Variants in MGAT5 observed in about 807,000 individuals in gnomAD.
The protein encoded by MGAT5 is alpha-1,6-mannosylglycoprotein 6-beta-N-acetylglucosaminyltransferase A.
MGAT5 carries 30 observed loss-of-function variants against 94.3 expected under a neutral mutation model. The ratio of observed to expected loss-of-function variants is 0.32; its 90% CI spans 0.24 to 0.43. The LOEUF is 0.43. Ranked by LOEUF, MGAT5 falls within the 20% of genes least tolerant of loss-of-function variation. The pLI is 1.00. For missense variants in MGAT5, 691 were observed against 905.5 expected (o/e 0.76, Z 3.04); for synonymous variants, 310 against 322.9 (o/e 0.96, Z 0.43).
chr2:134,313,906 C>G (rs556357426), intron 2 of MGAT5, among the ~76,000 whole-genome samples: 1 of 152,292 alleles, frequency 6.6e-6, no homozygotes, highest in African/African-American at 2.4e-5. Context: ...AAAGCAGTAA[C>G]TTTAACCTTT....
chr2:134,222,153 C>T (rs1680808419), intron 1 of MGAT5, among the ~76,000 whole-genome samples: 1 of 152,178 alleles, frequency 6.6e-6, no homozygotes, highest in African/African-American at 2.4e-5. Context: ...CTAAAACAAT[C>T]CTGGATCAGA....
intron 11 of MGAT5, among the ~76,000 whole-genome samples, chr2:134,403,614 G>A (rs1328341314): frequency 1.3e-5 from 2 of 152,194 alleles, no homozygotes; most frequent in Non-Finnish European, 1.5e-5. Context: ...AGTCCCTGTG[G>A]GCTCAGGAAG....
intron 10 of MGAT5, among the ~76,000 whole-genome samples, chr2:134,381,356 T>TAAGATA (rs1341522842): frequency 1.2e-5 from 1 of 81,488 alleles, no homozygotes; most frequent in African/African-American, 4.8e-5. Context: ...GATAGATAGA[T>TAAGATA]AGATAGATAG....
chr2:134,254,512 C>A lies in MGAT5; in HGVS notation c.109C>A (p.Arg37=). The A allele has an allele frequency of 6.2e-7, 1 of 1,614,208 alleles. No homozygotes were observed. Among genetic ancestry groups the A allele is most frequent in the Non-Finnish European group, 8.5e-7 (1 of 1,180,036 alleles). Residue 37 remains arginine (R), a synonymous_variant, in exon 1 of 16, where the codon CGA becomes AGA. Coordinates refer to ENST00000281923, the MANE Select transcript of MGAT5 (RefSeq NM_002410.5). ...MMLLHFTIQQ[R]TQPESSSMLR... Reference sequence around the variant, plus strand: ...GCTTCTGCACTTTACCATCCAGCAGCGAACTCAGCCTGAAAGCAGCTCCAT... The same window carrying A: ...GCTTCTGCACTTTACCATCCAGCAGAGAACTCAGCCTGAAAGCAGCTCCAT...
At chr2:134,393,299 G>A (rs891191890) in intron 10 of MGAT5, among the ~76,000 whole-genome samples, 6 of 152,154 alleles carry the variant, frequency 3.9e-5, no homozygotes, top group African/African-American at 1.4e-4. Context: ...CCTCAGATCA[G>A]TGTGGGAGGG....
chr2:134,269,348 C>T (rs1310168394), intron 1 of MGAT5, among the ~76,000 whole-genome samples: 5 of 152,154 alleles, frequency 3.3e-5, no homozygotes, highest in Non-Finnish European at 7.3e-5. Flanking sequence ...CAAGTTTGCT[C>T]TGTTTTTAGG....
At chr2:134,390,159 T>G (rs2043870) in intron 10 of MGAT5, among the ~76,000 whole-genome samples, 148,250 of 152,332 alleles carry the variant, frequency 0.97, 72,217 homozygotes, top group East Asian at 1. Flanking sequence ...ATAATGGTAT[T>G]TATGGTATAC....
chr2:134,363,542 G>A (rs77903411), intron 10 of MGAT5, among the ~76,000 whole-genome samples: 2,257 of 152,312 alleles, frequency 0.015, 21 homozygotes, highest in Non-Finnish European at 0.023. Flanking sequence ...TCTGCCCAGG[G>A]AACATCTGAC....
chr2:134,270,967 C>G (rs1683989960), intron 2 of MGAT5, among the ~76,000 whole-genome samples: 1 of 152,176 alleles, frequency 6.6e-6, no homozygotes. Context: ...AAAAGAGCCA[C>G]CATTGCCGAA....
chr2:134,303,806 A>G (rs999065133), intron 2 of MGAT5, among the ~76,000 whole-genome samples: 2 of 152,154 alleles, frequency 1.3e-5, no homozygotes, highest in Non-Finnish European at 2.9e-5. Flanking sequence ...ATTTTTCACT[A>G]CTATGCAAAA....
intron 2 of MGAT5, among the ~76,000 whole-genome samples, chr2:134,288,138 T>C (rs1417897586): frequency 6.6e-6 from 1 of 152,224 alleles, no homozygotes; most frequent in African/African-American, 2.4e-5. Flanking sequence ...TTTGGCATGA[T>C]TTTGTCTCCT....
At position 134,448,654 on chromosome 2, in the gene MGAT5, A is replaced by G. The variant is rs1685931021; in HGVS notation, c.2033A>G (p.Lys678Arg). ...LNKDKDMLKY[K>R]VTCQSSELAK... ...GCCTTTCTCTTCCTCTTCAGGTACA[A>G]GGTGACCTGCCAAAGCTCAGAGCTG... is the stretch of plus-strand genomic sequence containing the variant. Residue 678 changes from lysine to arginine, a missense_variant, in exon 16 of 16, where the codon AAG (lysine) becomes AGG (arginine). Physicochemically the swap from Lys to Arg is conservative, Grantham distance 26 (BLOSUM62 2). Around this residue, in one of 4 missense-constraint regions of MGAT5, gnomAD observed 260 missense variants for 347.0 expected, o/e 0.75. Coordinates refer to ENST00000281923, the MANE Select transcript of MGAT5 (RefSeq NM_002410.5). 1 of 1,614,126 alleles carries G rather than the reference A, an allele frequency of 6.2e-7. No individual in the cohort carries two copies. The highest frequency in any genetic ancestry group is 8.5e-7 in the Non-Finnish European group (1 of 1,179,994).
chr2:134,284,200 C>T (rs1684870771), intron 2 of MGAT5, among the ~76,000 whole-genome samples: 2 of 152,296 alleles, frequency 1.3e-5, no homozygotes, highest in South Asian at 4.1e-4. Context: ...CTCAACAGTT[C>T]TAGTGCTGGA....
At chr2:134,147,025 AACC>A (rs565687861) in intron 1 of MGAT5, among the ~76,000 whole-genome samples, 45 of 152,334 alleles carry the variant, frequency 3.0e-4, no homozygotes, top group African/African-American at 1.1e-3. Context: ...GTTAAAAAAA[AACC>A]CTTTTAATTT....
chr2:134,164,629 C>T (rs559387781), intron 1 of MGAT5, among the ~76,000 whole-genome samples: 50 of 152,202 alleles, frequency 3.3e-4, no homozygotes, highest in African/African-American at 1.0e-3. Context: ...GCTTTCTGTC[C>T]TATGAGGTCA....
intron 1 of MGAT5, among the ~76,000 whole-genome samples, chr2:134,132,754 T>C (rs1558949045): frequency 6.6e-6 from 1 of 152,260 alleles, no homozygotes. Flanking sequence ...ACCTTCTGTT[T>C]GGAAGACCCT....
chr2:134,143,933 CATT>C (rs1284224171), intron 1 of MGAT5, among the ~76,000 whole-genome samples: 1 of 151,962 alleles, frequency 6.6e-6, no homozygotes, highest in East Asian at 1.9e-4. Flanking sequence ...GAGAAGAAGA[CATT>C]GTAACAAGTT....
In MGAT5 at chr2:134,403,083, A is replaced by G; in HGVS notation, c.1476A>G (p.Lys492=). The change falls in exon 11 of 16, where the codon AAA becomes AAG. Residue 492 remains lysine (K), a synonymous_variant. Transcript: ENST00000281923. ...SSTKNIPSYV[K]NHGILSGRDL... Reference sequence around the variant, plus strand: ...CAAAGAATATTCCCAGTTACGTGAAAAACCATGGTATCCTCAGTGGACGGG... The same window carrying G: ...CAAAGAATATTCCCAGTTACGTGAAGAACCATGGTATCCTCAGTGGACGGG... 1 of 1,611,860 alleles carries G rather than the reference A, an allele frequency of 6.2e-7. No individual in the cohort carries two copies. The highest frequency in any genetic ancestry group is 1.1e-5 in the South Asian group (1 of 90,402).
chr2:134,278,036 C>A (rs1684483525), intron 2 of MGAT5, among the ~76,000 whole-genome samples: 1 of 152,152 alleles, frequency 6.6e-6, no homozygotes, highest in African/African-American at 2.4e-5. Context: ...TTGTGGGATG[C>A]TGTTGAGAGG....
Sources: allele counts gnomAD v4.1 joint callset (sites outside exome capture counted in the v4.1 genomes callset), GRCh38; gene constraint gnomAD v4.1.1; regional missense constraint gnomAD v4.1.1; transcripts MANE v1.5; gene names NCBI Gene and HGNC (gene_info 2026-07-23, HGNC 2026-07-21).